The following TRIQK variants were observed in gnomAD, a reference collection of about 807,000 sequenced individuals.
The protein encoded by TRIQK is triple QxxK/R motif-containing protein.
Under a neutral mutation model 10.8 loss-of-function variants are expected in TRIQK, and 10 were observed. The ratio of observed to expected loss-of-function variants is 0.92; its 90% CI spans 0.57 to 1.57. TRIQK has a LOEUF of 1.57. Ranked by LOEUF, TRIQK falls within the 40% of genes most tolerant of loss-of-function variation. The probability of loss-of-function intolerance (pLI) is 0.00; values close to 1 mark genes in which losing one functional copy is unlikely to be tolerated. For synonymous variants in TRIQK, 33 were observed against 33.7 expected (o/e 0.98, Z 0.07); for missense variants, 107 against 97.7 (o/e 1.09, Z -0.40).
intron 2 of TRIQK, among the ~76,000 whole-genome samples, chr8:92,933,751 A>G (rs928685105): frequency 6.6e-6 from 1 of 152,154 alleles, no homozygotes; most frequent in African/African-American, 2.4e-5. Context: ...GATTGCTAAC[A>G]TTCAAGATAT....
chr8:92,966,460 C>G (rs918637322), upstream of TRIQK, among the ~76,000 whole-genome samples: 1 of 152,154 alleles, frequency 6.6e-6, no homozygotes, highest in African/African-American at 2.4e-5. Flanking sequence ...TGGAAGGGCG[C>G]ACTGTCTGTG....
intron 1 of TRIQK, among the ~76,000 whole-genome samples, chr8:92,978,366 C>G (rs985049661): frequency 2.6e-5 from 4 of 152,100 alleles, no homozygotes; most frequent in African/African-American, 9.7e-5. Context: ...GCCTGAAAAC[C>G]ATTGTTTAAT....
At position 92,886,527 on chromosome 8, in the gene TRIQK, G is replaced by C; in HGVS notation, c.*95C>G. On this transcript the variant is annotated 3_prime_UTR_variant, in exon 5 of 5. Coordinates refer to ENST00000521988, the MANE Select transcript of TRIQK (RefSeq NM_001171797.2). Reference sequence around the variant, plus strand: ...TGCAAACTGAAAATATTAGCAGAAAGAATTAAAGATGTTACAGTTTCAGTA... The same window carrying C: ...TGCAAACTGAAAATATTAGCAGAAACAATTAAAGATGTTACAGTTTCAGTA... 1.5e-6 allele frequency: 1 copy of C among 684,238 alleles called. No individual in the cohort carries two copies. Among genetic ancestry groups the C allele is most frequent in the Non-Finnish European group, 2.4e-6 (1 of 419,784 alleles). 42.4% of individuals were successfully genotyped at this position (684,238 alleles called of 1,614,324 possible). A position where few individuals can be genotyped will look rare whatever the true frequency, so the allele number is the denominator to read the frequency against.
chr8:92,896,050 A>G (rs111512581), intron 3 of TRIQK, among the ~76,000 whole-genome samples: 5,061 of 152,240 alleles, frequency 0.033, 138 homozygotes, highest in South Asian at 0.083. Flanking sequence ...GACCTCAAAG[A>G]CATTTCAGAG....
rs147446186 is a variant in TRIQK, at chr8:92,959,650, G to T, written c.-180-5086C>A. Among the ~76,000 whole-genome samples the T allele has an allele frequency of 1.5e-3, 227 of 151,998 alleles. 1 individual carries two copies. The highest frequency in any genetic ancestry group is 2.8e-3 in the Non-Finnish European group (187 of 67,944). ...ACATGCTCCTCAACTTACCGTGGGT[G>T]AAAAATATCTTAAATCGAAAATGCA... On this transcript the variant is annotated intron_variant, in intron 1 of 4. Transcript: ENST00000521988.
At chr8:92,988,000 C>CTTTTTT (rs549776227) in intron 1 of TRIQK, among the ~76,000 whole-genome samples, 9 of 57,590 alleles carry the variant, frequency 1.6e-4, no homozygotes, top group African/African-American at 2.9e-4. Context: ...TTTATACTTT[C>CTTTTTT]TTTTTTTTTT....
intron 2 of TRIQK, among the ~76,000 whole-genome samples, chr8:92,946,610 T>C (rs2130636835): frequency 1.3e-5 from 2 of 152,272 alleles, no homozygotes; most frequent in African/African-American, 4.8e-5. Context: ...TTTTATTCAA[T>C]GAATAAACTG....
At chr8:92,967,667 C>A (rs1812806307), upstream of TRIQK, among the ~76,000 whole-genome samples, 1 of 151,398 alleles carries the variant, frequency 6.6e-6, no homozygotes, top group South Asian at 2.1e-4. Context: ...ACTAAAAATA[C>A]AAAAATTAGG....
intron 2 of TRIQK, among the ~76,000 whole-genome samples, chr8:92,951,895 T>C (rs1241327762): frequency 6.6e-6 from 1 of 152,010 alleles, no homozygotes; most frequent in African/African-American, 2.4e-5. Context: ...GGAAAACACT[T>C]GTGAAGTTCA....
intron 3 of TRIQK, among the ~76,000 whole-genome samples, chr8:92,905,293 T>G (rs1286380447): frequency 1.3e-5 from 2 of 152,148 alleles, no homozygotes; most frequent in East Asian, 3.9e-4. Flanking sequence ...AAAATAAAAC[T>G]CTAAAACATG....
chr8:92,972,207 T>C (rs1812883678), intron 1 of TRIQK, among the ~76,000 whole-genome samples: 1 of 152,202 alleles, frequency 6.6e-6, no homozygotes, highest in African/African-American at 2.4e-5. Context: ...TTTTTTCCAG[T>C]CTGACAATCT....
At chr8:92,888,791 A>T (rs1816612528) in intron 4 of TRIQK, among the ~76,000 whole-genome samples, 1 of 151,612 alleles carries the variant, frequency 6.6e-6, no homozygotes, top group South Asian at 2.1e-4. Context: ...TTATGTAACA[A>T]AACTAAACTT....
intron 1 of TRIQK, among the ~76,000 whole-genome samples, chr8:92,990,577 A>G (rs1813085974): frequency 6.6e-6 from 1 of 152,144 alleles, no homozygotes; most frequent in Non-Finnish European, 1.5e-5. Context: ...GGAACTGGTT[A>G]GACAGTGGGT....
intron 1 of TRIQK, among the ~76,000 whole-genome samples, chr8:93,014,575 T>C (rs1225611495): frequency 6.6e-6 from 1 of 152,098 alleles, no homozygotes. Context: ...TGTGTTGTTA[T>C]TGCTGTTTAG....
chr8:92,951,990 C>A (rs1261214089), intron 2 of TRIQK, among the ~76,000 whole-genome samples: 1 of 151,838 alleles, frequency 6.6e-6, no homozygotes, highest in African/African-American at 2.4e-5. Flanking sequence ...ACTTTACCAC[C>A]ATGTTACTAG....
chr8:92,895,889 A>G (rs1808565899), intron 3 of TRIQK, among the ~76,000 whole-genome samples: 2 of 152,164 alleles, frequency 1.3e-5, no homozygotes, highest in Non-Finnish European at 1.5e-5. Flanking sequence ...GGAGGAAAAG[A>G]TTTATAAAAC....
chr8:92,928,810 G>A (rs188694821), intron 2 of TRIQK, among the ~76,000 whole-genome samples: 2 of 152,244 alleles, frequency 1.3e-5, no homozygotes, highest in African/African-American at 4.8e-5. Flanking sequence ...TGAAACTTTA[G>A]ACTTTTTCTG....
intron 1 of TRIQK, among the ~76,000 whole-genome samples, chr8:93,013,467 G>A (rs1813356613): frequency 6.6e-6 from 1 of 152,084 alleles, no homozygotes; most frequent in African/African-American, 2.4e-5. Context: ...GCAGAAGAGA[G>A]GTTGGGAGGG....
At chr8:92,891,940 G>T in intron 4 of TRIQK, 49 bp downstream of exon 4, 2 of 1,263,768 alleles carry the variant, frequency 1.6e-6, no homozygotes, top group Non-Finnish European at 2.2e-6. Context: ...TTTAGAAAAT[G>T]AAATGGCATG....
Sources: gnomAD v4.1 joint callset for allele counts (sites outside exome capture counted in the v4.1 genomes callset) on GRCh38, gnomAD v4.1.1 for gene constraint, MANE v1.5 for transcripts, NCBI Gene and HGNC (gene_info 2026-07-23, HGNC 2026-07-21) for gene names.